Variants in HSD17B12 observed in about 807,000 individuals in gnomAD.
HSD17B12 encodes the protein hydroxysteroid 17-beta dehydrogenase 12.
Under a neutral mutation model 39.3 loss-of-function variants are expected in HSD17B12, and 32 were observed. The observed-to-expected ratio is 0.81, with a 90% CI of 0.61 to 1.09. HSD17B12 has a LOEUF of 1.09. Ranked by LOEUF, HSD17B12 falls within the 50% of genes least tolerant of loss-of-function variation. The pLI, the probability that HSD17B12 is intolerant of heterozygous loss-of-function variation, is 0.00. For synonymous variants in HSD17B12, 150 were observed against 146.7 expected (o/e 1.02, Z -0.16); for missense variants, 342 against 382.9 (o/e 0.89, Z 0.89).
intron 4 of HSD17B12, among the ~76,000 whole-genome samples, chr11:43,800,826 A>G (rs1004901859): frequency 3.3e-5 from 5 of 152,102 alleles, no homozygotes; most frequent in Non-Finnish European, 7.4e-5. Flanking sequence ...AGTGAACTAG[A>G]GATACAACAA....
chr11:43,731,390 C>T (rs1402203304), intron 1 of HSD17B12, among the ~76,000 whole-genome samples: 1 of 152,164 alleles, frequency 6.6e-6, no homozygotes, highest in Non-Finnish European at 1.5e-5. Context: ...TAAATGTGGA[C>T]CACTGAAGAT....
At chr11:43,751,020 C>T in intron 2 of HSD17B12, 63 bp downstream of exon 2, 1 of 1,078,464 alleles carries the variant, frequency 9.3e-7, no homozygotes, top group Non-Finnish European at 1.4e-6. Context: ...GGGATGATTT[C>T]TTATAGTAGT....
At chr11:43,726,802 C>G (rs1950224060) in intron 1 of HSD17B12, among the ~76,000 whole-genome samples, 1 of 152,176 alleles carries the variant, frequency 6.6e-6, no homozygotes, top group Non-Finnish European at 1.5e-5. Context: ...CATTCTATGT[C>G]TAATTAGAAG....
At chr11:43,732,881 C>G (rs1950282527) in intron 1 of HSD17B12, among the ~76,000 whole-genome samples, 1 of 152,138 alleles carries the variant, frequency 6.6e-6, no homozygotes, top group South Asian at 2.1e-4. Flanking sequence ...AGGCAATCGT[C>G]TTGCCTTGGC....
At chr11:43,619,197 TGA>T in the HSD17B12 span, among the ~76,000 whole-genome samples, 638 of 67,698 alleles carry the variant, frequency 9.4e-3, 7 homozygotes, top group African/African-American at 0.011. Flanking sequence ...TATATATATA[TGA>T]TATATATATA....
intron 1 of HSD17B12, among the ~76,000 whole-genome samples, chr11:43,707,378 G>A (rs1402426296): frequency 6.6e-6 from 1 of 152,198 alleles, no homozygotes. Flanking sequence ...ATGATGGTTA[G>A]GGAAGATTTT....
the HSD17B12 span, among the ~76,000 whole-genome samples, chr11:43,637,784 G>T: frequency 6.6e-6 from 1 of 152,212 alleles, no homozygotes; most frequent in East Asian, 1.9e-4. Flanking sequence ...CTAGGAAGGT[G>T]CATGTATTTT....
the HSD17B12 span, among the ~76,000 whole-genome samples, chr11:43,626,897 A>G: frequency 6.6e-6 from 1 of 152,042 alleles, no homozygotes; most frequent in Admixed American, 6.6e-5. Context: ...CAGTTTTAGA[A>G]CCTTCAAACT....
intron 1 of HSD17B12, among the ~76,000 whole-genome samples, chr11:43,741,807 C>T (rs1470248324): frequency 1.4e-4 from 21 of 146,736 alleles, no homozygotes; most frequent in African/African-American, 3.3e-4. Context: ...GACCTCGGCT[C>T]ACTGCAACCT....
chr11:43,557,405 G>A, the HSD17B12 span, among the ~76,000 whole-genome samples: 3 of 152,232 alleles, frequency 2.0e-5, no homozygotes, highest in African/African-American at 7.2e-5. Flanking sequence ...GAAAAGTGGG[G>A]AGAGTCAGAG....
chr11:43,592,146 C>T, the HSD17B12 span, among the ~76,000 whole-genome samples: 1 of 151,708 alleles, frequency 6.6e-6, no homozygotes, highest in East Asian at 1.9e-4. Context: ...TCTGTATGTG[C>T]TCATAGGTTA....
In HSD17B12 at chr11:43,855,160, A is replaced by C. The variant is rs1203348776; in HGVS notation, c.851A>C (p.Asn284Thr). Reference protein sequence around the residue: ...IHALMGSIISNLPSWIYLKIV... With the variant: ...IHALMGSIISTLPSWIYLKIV... Reference sequence around the variant, plus strand: ...TTTCCCTAGGGCTCGATAATCTCAAACCTGCCTTCTTGGATTTATTTGAAA... The same window carrying C: ...TTTCCCTAGGGCTCGATAATCTCAACCCTGCCTTCTTGGATTTATTTGAAA... Residue 284 changes from asparagine to threonine, a missense_variant, in exon 11 of 11, where the codon AAC becomes ACC. Physicochemically the swap from Asn to Thr is moderately conservative, Grantham distance 65 (BLOSUM62 0). Coordinates refer to ENST00000278353, the MANE Select transcript of HSD17B12 (RefSeq NM_016142.3). 6.2e-7 allele frequency: 1 copy of C among 1,608,756 alleles called. No homozygotes were observed. Among genetic ancestry groups the C allele is most frequent in the Non-Finnish European group, 8.5e-7 (1 of 1,176,840 alleles).
At chr11:43,737,870 G>A (rs1056457857) in intron 1 of HSD17B12, among the ~76,000 whole-genome samples, 20 of 152,060 alleles carry the variant, frequency 1.3e-4, no homozygotes, top group South Asian at 4.2e-4. Context: ...TCAGGAGATC[G>A]AGACCATCCT....
chr11:43,745,498 G>A (rs1404784619), intron 1 of HSD17B12, among the ~76,000 whole-genome samples: 1 of 152,058 alleles, frequency 6.6e-6, no homozygotes, highest in Non-Finnish European at 1.5e-5. Context: ...TGAGAAATGT[G>A]TTGCTAGACA....
At chr11:43,745,481 TACATTCTGAGAAATGTGTTGCTAGACAAC>T (rs1281748109) in intron 1 of HSD17B12, among the ~76,000 whole-genome samples, 1 of 152,172 alleles carries the variant, frequency 6.6e-6, no homozygotes. Context: ...ATGGTGGGGA[TACATTCTGAGAAATGTGTTGCTAGACAAC>T]ACATTTGTTG....
chr11:43,644,966 G>GC, the HSD17B12 span: 1 of 152,314 alleles, frequency 6.6e-6, no homozygotes, highest in African/African-American at 2.4e-5. Flanking sequence ...TTTAAAACGA[G>GC]CACCAGGGTT....
chr11:43,722,466 C>T (rs1950184360), intron 1 of HSD17B12, among the ~76,000 whole-genome samples: 1 of 152,130 alleles, frequency 6.6e-6, no homozygotes, highest in Non-Finnish European at 1.5e-5. Flanking sequence ...AATCCCAGCA[C>T]ATTGGGAGGC....
the HSD17B12 span, among the ~76,000 whole-genome samples, chr11:43,614,004 T>A: frequency 6.6e-6 from 1 of 152,194 alleles, no homozygotes. Flanking sequence ...TTACCTTAAT[T>A]GTAAGAATTT....
In HSD17B12 at chr11:43,854,806, C is replaced by A. The variant is rs1433075097; in HGVS notation, c.776C>A (p.Ala259Glu). ...TCTCCGGAGACGTTTGTGAAGTCTG[C>A]AATTAAAACAGTCGGCCTGCAATCC... is the stretch of plus-strand genomic sequence containing the variant. The part of the protein sequence containing the change: ...KPSPETFVKS[A>E]IKTVGLQSRT... Residue 259 changes from alanine to glutamate, a missense_variant, in exon 10 of 11, where the codon GCA becomes GAA. Ala to Glu is a moderately radical substitution (Grantham distance 107). Transcript: ENST00000278353. The A allele has an allele frequency of 6.2e-7, 1 of 1,614,158 alleles. No homozygotes were observed. Among genetic ancestry groups the A allele is most frequent in the Non-Finnish European group, 8.5e-7 (1 of 1,180,006 alleles).
Sources: allele counts gnomAD v4.1 joint callset (sites outside exome capture counted in the v4.1 genomes callset), GRCh38; gene constraint gnomAD v4.1.1; transcripts MANE v1.5; gene names NCBI Gene and HGNC (gene_info 2026-07-23, HGNC 2026-07-21).